Variants in RAD51B observed in about 807,000 individuals in gnomAD.
RAD51B encodes RAD51 paralog B, also known as DNA repair protein RAD51 homolog 2.
Under a neutral mutation model 42.2 loss-of-function variants are expected in RAD51B, and 38 were observed. That is an observed-to-expected ratio of 0.90 (90% CI 0.70 to 1.18). The LOEUF (loss-of-function observed/expected upper bound fraction) is 1.18, where lower values mean the gene tolerates loss of function less well. RAD51B is among the 50% of genes most tolerant of loss of function. The pLI is 0.00. For missense variants in RAD51B, 373 were observed against 400.7 expected, an observed-to-expected ratio of 0.93 and a Z score of 0.59; for synonymous variants, 154 against 145.2, an observed-to-expected ratio of 1.06 and a Z score of -0.43.
At chr14:68,487,169 G>A (rs906623556) in intron 10 of RAD51B, among the ~76,000 whole-genome samples, 4 of 152,134 alleles carry the variant, frequency 2.6e-5, no homozygotes, top group South Asian at 2.1e-4. Context: ...ATTTTCACAC[G>A]GCTCTGGAGA....
intron 8 of RAD51B, among the ~76,000 whole-genome samples, chr14:68,304,959 T>C (rs1171852760): frequency 2.6e-5 from 4 of 152,230 alleles, no homozygotes; most frequent in African/African-American, 9.6e-5. Flanking sequence ...CAGCAATCTT[T>C]TGAATCTATA....
intron 9 of RAD51B, 60 bp from the exon 10 acceptor site, chr14:68,468,112 T>G: frequency 2.1e-6 from 3 of 1,422,274 alleles, no homozygotes; most frequent in South Asian, 1.1e-5. Context: ...GGAAGGGGAG[T>G]GAATAGAGGC....
At chr14:67,924,533 A>G (rs1226086536) in intron 7 of RAD51B, among the ~76,000 whole-genome samples, 3 of 152,208 alleles carry the variant, frequency 2.0e-5, no homozygotes, top group Non-Finnish European at 4.4e-5. Context: ...ATCATGGCAG[A>G]AGGCAAGGAA....
chr14:67,947,031 T>C (rs1169675495), intron 7 of RAD51B, among the ~76,000 whole-genome samples: 1 of 152,196 alleles, frequency 6.6e-6, no homozygotes, highest in Non-Finnish European at 1.5e-5. Context: ...TTATACATAA[T>C]AATAATACCT....
At chr14:67,821,986 T>C (rs2040643922) in intron 1 of RAD51B, among the ~76,000 whole-genome samples, 3 of 152,180 alleles carry the variant, frequency 2.0e-5, no homozygotes, top group South Asian at 4.1e-4. Flanking sequence ...ATGTATATTG[T>C]GTGTGCGTGT....
chr14:68,320,415 G>A (rs1239223762), intron 8 of RAD51B, among the ~76,000 whole-genome samples: 3 of 152,168 alleles, frequency 2.0e-5, no homozygotes, highest in Non-Finnish European at 4.4e-5. Flanking sequence ...TATCTTTAAA[G>A]AGCCTGAGGA....
chr14:68,206,084 CCTTTAT>C (rs2079578795), intron 7 of RAD51B, among the ~76,000 whole-genome samples: 1 of 152,158 alleles, frequency 6.6e-6, no homozygotes. Context: ...ATGTCTACAG[CCTTTAT>C]CTTTTATGAC....
At chr14:68,271,986 A>G (rs1317118812) in intron 7 of RAD51B, among the ~76,000 whole-genome samples, 2 of 152,246 alleles carry the variant, frequency 1.3e-5, no homozygotes, top group Non-Finnish European at 1.5e-5. Context: ...TTTGTGAGAT[A>G]CTTGTTTCAA....
intron 7 of RAD51B, among the ~76,000 whole-genome samples, chr14:68,222,059 G>A (rs760669675): frequency 5.3e-5 from 8 of 152,152 alleles, no homozygotes; most frequent in Non-Finnish European, 7.3e-5. Context: ...GCATGGATGC[G>A]GTGAAAAGGG....
chr14:68,654,563 C>T (rs1322345875), intron 11 of RAD51B, among the ~76,000 whole-genome samples: 1 of 152,170 alleles, frequency 6.6e-6, no homozygotes, highest in Admixed American at 6.5e-5. Context: ...ACTCCCCGCC[C>T]CATCTCCCAG....
chr14:68,189,936 G>C lies in RAD51B; in HGVS notation c.757-101948G>C, dbSNP rs540678535. The stretch of plus-strand genomic sequence containing the variant: ...CTGCCTTAGCCTCCCAAAGTGCTGG[G>C]ATTACAGGCATGAGCCACTGCACCT... On this transcript the variant is annotated intron_variant, in intron 7 of 10. Transcript: ENST00000471583. Among the ~76,000 whole-genome samples the C allele has an allele frequency of 1.6e-4, 25 of 152,164 alleles. No homozygotes were observed. In the South Asian group the frequency reaches 4.0e-3, roughly 24 times the overall value.
intron 8 of RAD51B, among the ~76,000 whole-genome samples, chr14:68,399,941 C>T (rs564108178): frequency 4.6e-5 from 7 of 152,122 alleles, no homozygotes; most frequent in Non-Finnish European, 8.8e-5. Flanking sequence ...TTTTTAAAGC[C>T]ATTGATGTTC....
chr14:68,564,970 CT>C (rs1207719526), intron 10 of RAD51B, among the ~76,000 whole-genome samples: 193 of 152,386 alleles, frequency 1.3e-3, no homozygotes, highest in African/African-American at 4.6e-3. Context: ...AACACAGCCT[CT>C]CCCCTCACTG....
intron 10 of RAD51B, among the ~76,000 whole-genome samples, chr14:68,490,789 C>G (rs1884006156): frequency 6.6e-6 from 1 of 151,880 alleles, no homozygotes; most frequent in African/African-American, 2.4e-5. Context: ...GCTCCCAAGG[C>G]CAAAAGAAGG....
At chr14:67,874,490 C>A (rs939332850) in intron 5 of RAD51B, among the ~76,000 whole-genome samples, 1 of 151,724 alleles carries the variant, frequency 6.6e-6, no homozygotes, top group African/African-American at 2.4e-5. Flanking sequence ...CTAGACAATT[C>A]TTTTTCTTCC....
intron 11 of RAD51B, among the ~76,000 whole-genome samples, chr14:68,652,356 C>T (rs1189345482): frequency 6.6e-6 from 1 of 152,194 alleles, no homozygotes; most frequent in African/African-American, 2.4e-5. Context: ...CTCTGCCTCC[C>T]AGTCTCCCCA....
At chr14:68,481,221 A>G (rs1295937897), downstream of RAD51B, among the ~76,000 whole-genome samples, 2 of 152,190 alleles carry the variant, frequency 1.3e-5, no homozygotes, top group Non-Finnish European at 2.9e-5. Flanking sequence ...TACATTGAGC[A>G]AGATGCTGTC....
At chr14:68,617,015 G>A (rs539503951) in intron 10 of RAD51B, among the ~76,000 whole-genome samples, 20 of 152,020 alleles carry the variant, frequency 1.3e-4, no homozygotes, top group African/African-American at 2.9e-4. Flanking sequence ...CTGTTTTAAC[G>A]TGCCTGTCTG....
At chr14:68,120,923 A>G (rs1018419157) in intron 7 of RAD51B, among the ~76,000 whole-genome samples, 1 of 152,068 alleles carries the variant, frequency 6.6e-6, no homozygotes, top group African/African-American at 2.4e-5. Context: ...CTCTGGCTGA[A>G]CCATGCTTAA....
Sources: gnomAD v4.1 joint callset for allele counts (sites outside exome capture counted in the v4.1 genomes callset) on GRCh38, gnomAD v4.1.1 for gene constraint, MANE v1.5 for transcripts, NCBI Gene and HGNC (gene_info 2026-07-23, HGNC 2026-07-21) for gene names.